The following MERTK variants were observed in gnomAD, a reference collection of about 807,000 sequenced individuals.
The protein encoded by MERTK is MER proto-oncogene, tyrosine kinase.
In MERTK, 69 loss-of-function variants were observed where a neutral mutation model predicts 99.3. That is an observed-to-expected ratio of 0.70 (90% confidence interval 0.57 to 0.85). MERTK has a LOEUF of 0.85. MERTK is among the 40% of genes least tolerant of loss of function. MERTK has a pLI of 0.00. For synonymous variants in MERTK, 426 were observed against 467.6 expected, an observed-to-expected ratio of 0.91 and a Z score of 1.15; for missense variants, 1,125 against 1,249.4, an observed-to-expected ratio of 0.90 and a Z score of 1.50.
rs17042096 is a variant in MERTK at position 111,947,610 on chromosome 2, G to A, written c.757+43G>A. The A allele has an allele frequency of 3.9e-3, 6,285 of 1,608,898 alleles. 111 individuals carry two copies. In the African/African-American group the frequency reaches 0.045, roughly 12 times the overall value. On this transcript the variant is annotated intron_variant, in intron 4 of 18. Transcript: ENST00000295408. ...GCTTATTGATTTATTCTCTAATAGC[G>A]GACAGGATCAAAAGTTTGGCGACCC...
chr2:111,943,006 T>C (rs536795025), intron 2 of MERTK, among the ~76,000 whole-genome samples: 3 of 152,334 alleles, frequency 2.0e-5, no homozygotes, highest in African/African-American at 7.2e-5. Flanking sequence ...GGAAACTCTG[T>C]CTCATTCAGA....
chr2:111,928,216 C>CCT lies in MERTK; in HGVS notation c.62-904_62-903insCT, dbSNP rs1558774697. 1.7e-3 allele frequency among the ~76,000 whole-genome samples: 147 copies of CCT among 84,866 alleles called. 1 individual carries two copies. Among genetic ancestry groups the CCT allele is most frequent in the Non-Finnish European group, 2.4e-3 (111 of 46,402 alleles). The allele number at this position is 84,866 out of a possible 152,430, so 55.7% of individuals were successfully genotyped here. On this transcript the variant is annotated intron_variant, in intron 1 of 18. Coordinates refer to ENST00000295408, the MANE Select transcript of MERTK (RefSeq NM_006343.3). ...CTCATCTCTTTGTGGCCATGAGCAG[C>CCT]TTTTTTTTTTTTTTTTTTTTTTTTT...
chr2:112,003,152 G>T lies in MERTK; in HGVS notation c.1751G>T (p.Arg584Met). Residue 584 changes from arginine to methionine, a missense_variant, in exon 12 of 19, where the codon AGG becomes ATG. Transcript: ENST00000295408. ...AAACTAGAAGATGTTGTGATTGACA[G>T]GAATCTTCTAATTCTTGGAAAAATT... ...QNKLEDVVID[R>M]NLLILGKILG... The T allele has an allele frequency of 6.2e-7, 1 of 1,600,464 alleles. No individual in the cohort carries two copies. The highest frequency in any genetic ancestry group is 1.1e-5 in the South Asian group (1 of 90,816).
At chr2:112,009,285 A>G (rs1199973325) in intron 14 of MERTK, among the ~76,000 whole-genome samples, 9 of 152,212 alleles carry the variant, frequency 5.9e-5, no homozygotes, top group African/African-American at 1.7e-4. Context: ...TCAGCCGACT[A>G]TGAGAACAAT....
At chr2:111,972,028 ATTTGTTTG>A (rs967477075) in intron 6 of MERTK, among the ~76,000 whole-genome samples, 15 of 151,884 alleles carry the variant, frequency 9.9e-5, no homozygotes, top group African/African-American at 3.6e-4. Flanking sequence ...ACATTTATTT[ATTTGTTTG>A]TTTGTTTGTT....
At chr2:111,969,534 G>A (rs961338646) in intron 6 of MERTK, among the ~76,000 whole-genome samples, 1 of 152,086 alleles carries the variant, frequency 6.6e-6, no homozygotes, top group Non-Finnish European at 1.5e-5. Flanking sequence ...AAAGAATTTT[G>A]TGTTGACAAC....
chr2:111,965,050 G>A, intron 4 of MERTK, 141 bp from the exon 5 acceptor site: 2 of 791,228 alleles, frequency 2.5e-6, no homozygotes, highest in Non-Finnish European at 4.1e-6. Flanking sequence ...TCCATAGCTA[G>A]CACACCTTTT....
intron 14 of MERTK, among the ~76,000 whole-genome samples, chr2:112,009,582 CAT>C (rs1677052925): frequency 6.6e-6 from 1 of 152,182 alleles, no homozygotes; most frequent in African/African-American, 2.4e-5. Flanking sequence ...GTTAAGGAAT[CAT>C]AGCCACTGGG....
chr2:111,924,670 C>G (rs920342093), intron 1 of MERTK, among the ~76,000 whole-genome samples: 1 of 152,138 alleles, frequency 6.6e-6, no homozygotes, highest in African/African-American at 2.4e-5. Context: ...TCTCCTGCCT[C>G]GACTGGGATT....
At chr2:112,007,218 G>C (rs530010565) in intron 13 of MERTK, among the ~76,000 whole-genome samples, 1 of 152,120 alleles carries the variant, frequency 6.6e-6, no homozygotes, top group Non-Finnish European at 1.5e-5. Context: ...GCGGTAGCAC[G>C]ATCTCAGCTC....
intron 2 of MERTK, chr2:111,940,675 A>G: frequency 2.1e-5 from 15 of 730,150 alleles, no homozygotes; most frequent in Middle Eastern, 2.9e-4. Context: ...GTCCAAATTT[A>G]TCAATGGTTC....
chr2:111,972,790 A>T (rs1253404511), intron 6 of MERTK, among the ~76,000 whole-genome samples: 3 of 152,192 alleles, frequency 2.0e-5, no homozygotes, highest in African/African-American at 7.2e-5. Flanking sequence ...GTTTCTTTGA[A>T]ATTCAAGTTT....
chr2:112,014,273 G>A lies in MERTK; in HGVS notation c.2079+4207G>A, dbSNP rs1289357067. 3.3e-5 allele frequency among the ~76,000 whole-genome samples: 5 copies of A among 151,946 alleles called. No homozygotes were observed. The East Asian group carries it at 5.8e-4, about 18-fold the overall frequency. On this transcript the variant is annotated intron_variant, in intron 15 of 18. Coordinates refer to ENST00000295408, the MANE Select transcript of MERTK (RefSeq NM_006343.3). ...CCTGACCTTGTGATCTGCCCACTTC[G>A]GCCTCCCAAAGTGCTGGGATTACAG...
intron 1 of MERTK, among the ~76,000 whole-genome samples, chr2:111,902,808 C>CCCCCCCTCTCTT (rs1553443592): frequency 1.4e-5 from 2 of 143,938 alleles, no homozygotes; most frequent in South Asian, 2.3e-4. Context: ...CTCCCTCCCT[C>CCCCCCCTCTCTT]TATTTCTTTA....
At chr2:111,982,790 A>G in intron 7 of MERTK, 52 bp from the exon 8 acceptor site, 1 of 1,599,358 alleles carries the variant, frequency 6.3e-7, no homozygotes, top group South Asian at 1.1e-5. Context: ...ATGAGAATAC[A>G]TCTGTGTGTG....
At chr2:111,935,082 G>C (rs915637097) in intron 2 of MERTK, among the ~76,000 whole-genome samples, 1 of 152,184 alleles carries the variant, frequency 6.6e-6, no homozygotes, top group Non-Finnish European at 1.5e-5. Flanking sequence ...TCTAAGGAAA[G>C]CTGTAACATT....
chr2:111,967,990 TAGGGAGGCTCCTCTTG>T, intron 5 of MERTK, 131 bp from the exon 6 acceptor site: 2 of 699,012 alleles, frequency 2.9e-6, no homozygotes, highest in Admixed American at 4.1e-5. Context: ...CCCTCAGGCA[TAGGGAGGCTCCTCTTG>T]AAAACATGTT....
intron 16 of MERTK, chr2:112,020,514 C>T: frequency 2.2e-6 from 1 of 461,258 alleles, no homozygotes; most frequent in Admixed American, 2.4e-5. Flanking sequence ...TCTTTCTTCT[C>T]CTCTTCCTTC....
intron 2 of MERTK, among the ~76,000 whole-genome samples, chr2:111,935,638 CGTGTGTGTGTGTGTGT>C (rs55986780): frequency 0.017 from 2,374 of 139,876 alleles, 68 homozygotes; most frequent in African/African-American, 0.058. Flanking sequence ...GGTCTTGGCT[CGTGTGTGTGTGTGTGT>C]GTGTGTGTGT....
Sources: allele counts gnomAD v4.1 joint callset (sites outside exome capture counted in the v4.1 genomes callset), GRCh38; gene constraint gnomAD v4.1.1; transcripts MANE v1.5; gene names NCBI Gene and HGNC (gene_info 2026-07-23, HGNC 2026-07-21).